The following IMMP2L variants were observed in gnomAD, a reference collection of about 807,000 sequenced individuals.
IMMP2L encodes mitochondrial inner membrane protease subunit 2.
Under a neutral mutation model 19.3 loss-of-function variants are expected in IMMP2L, and 18 were observed. That is an observed-to-expected ratio of 0.93 (90% CI 0.64 to 1.38). The LOEUF (loss-of-function observed/expected upper bound fraction) is 1.38, where lower values mean the gene tolerates loss of function less well. IMMP2L is among the 40% of genes most tolerant of loss of function. IMMP2L has a pLI of 0.00. For synonymous variants in IMMP2L, 76 were observed against 73.0 expected (o/e 1.04, Z -0.21); for missense variants, 233 against 218.2 (o/e 1.07, Z -0.43).
rs185110088 is a variant in IMMP2L, at chr7:111,003,249, C to T, written c.240-39684G>A. Among the ~76,000 whole-genome samples the T allele has an allele frequency of 4.1e-3, 626 of 152,024 alleles. 2 individuals carry two copies. Among genetic ancestry groups the T allele is most frequent in the African/African-American group, 0.015 (606 of 41,456 alleles). The stretch of plus-strand genomic sequence containing the variant: ...ACTGTTAAGTGGAGATAATATTTAC[C>T]GATATTCTCTCAATTTTAGAGATTT... On this transcript the variant is annotated intron_variant, in intron 3 of 5. Transcript: ENST00000405709.
chr7:111,124,529 C>T (rs1284706825), intron 3 of IMMP2L: 5 of 1,613,560 alleles, frequency 3.1e-6, no homozygotes, highest in Admixed American at 1.7e-5. Flanking sequence ...CTGAATCCAT[C>T]AACTGAGTAT....
chr7:111,303,057 A>C (rs1489329815), intron 3 of IMMP2L, among the ~76,000 whole-genome samples: 1 of 152,154 alleles, frequency 6.6e-6, no homozygotes, highest in East Asian at 1.9e-4. Context: ...GGCCTCATAC[A>C]AATATCATTT....
chr7:111,339,461 T>C (rs1826793820), intron 3 of IMMP2L, among the ~76,000 whole-genome samples: 1 of 151,898 alleles, frequency 6.6e-6, no homozygotes, highest in South Asian at 2.1e-4. Flanking sequence ...CATAAATATA[T>C]AGAACATACA....
intron 4 of IMMP2L, among the ~76,000 whole-genome samples, chr7:110,949,354 C>CT (rs770895433): frequency 1.3e-5 from 2 of 152,160 alleles, no homozygotes; most frequent in Non-Finnish European, 2.9e-5. Flanking sequence ...AATATTTTCT[C>CT]TTTTGTTGCT....
chr7:110,895,588 T>C (rs542878269), intron 4 of IMMP2L, among the ~76,000 whole-genome samples: 1 of 152,256 alleles, frequency 6.6e-6, no homozygotes, highest in South Asian at 2.1e-4. Context: ...TTGATTGGGA[T>C]TGCACTGAAT....
intron 4 of IMMP2L, among the ~76,000 whole-genome samples, chr7:110,934,710 G>C (rs1462123866): frequency 6.6e-6 from 1 of 152,154 alleles, no homozygotes; most frequent in Non-Finnish European, 1.5e-5. Flanking sequence ...ATTTAGGATA[G>C]TTAGCTCTTC....
intron 3 of IMMP2L, among the ~76,000 whole-genome samples, chr7:111,094,244 T>TA (rs1797171519): frequency 6.6e-6 from 1 of 152,136 alleles, no homozygotes. Flanking sequence ...AGTTTCGTTT[T>TA]AAAAAAACAC....
chr7:110,809,268 A>G (rs1293523000), intron 5 of IMMP2L, among the ~76,000 whole-genome samples: 1 of 152,034 alleles, frequency 6.6e-6, no homozygotes, highest in Non-Finnish European at 1.5e-5. Context: ...TATTAATACT[A>G]AAAACAAATC....
intron 3 of IMMP2L, among the ~76,000 whole-genome samples, chr7:111,194,067 A>G (rs2129613692): frequency 6.6e-6 from 1 of 152,280 alleles, no homozygotes; most frequent in South Asian, 2.1e-4. Flanking sequence ...CAGTGATACC[A>G]TGGCCTGGTC....
At chr7:111,319,104 T>C (rs540497108) in intron 3 of IMMP2L, among the ~76,000 whole-genome samples, 1 of 152,198 alleles carries the variant, frequency 6.6e-6, no homozygotes, top group South Asian at 2.1e-4. Flanking sequence ...ACCAAATATG[T>C]CTGTAGGAGG....
At chr7:111,492,159 C>T (rs1218262047) in intron 2 of IMMP2L, among the ~76,000 whole-genome samples, 1 of 151,888 alleles carries the variant, frequency 6.6e-6, no homozygotes, top group Non-Finnish European at 1.5e-5. Flanking sequence ...AAATTATTTC[C>T]TATGCCTATA....
chr7:110,995,825 TTCTA>T (rs1393259222), intron 3 of IMMP2L, among the ~76,000 whole-genome samples: 4 of 152,134 alleles, frequency 2.6e-5, no homozygotes, highest in Non-Finnish European at 5.9e-5. Flanking sequence ...TGTGTATAGT[TTCTA>T]TCTATCTGTA....
chr7:111,401,220 A>G (rs1044322286), intron 3 of IMMP2L, among the ~76,000 whole-genome samples: 61 of 152,180 alleles, frequency 4.0e-4, no homozygotes, highest in African/African-American at 1.4e-3. Context: ...ATAAAATACA[A>G]TTCCAATTTG....
chr7:111,384,538 A>G (rs1280645657), intron 3 of IMMP2L, among the ~76,000 whole-genome samples: 1 of 152,084 alleles, frequency 6.6e-6, no homozygotes, highest in Admixed American at 6.6e-5. Flanking sequence ...GCTGCACTCT[A>G]TCAGCACTGC....
At chr7:111,016,813 AT>A (rs1825680497) in intron 3 of IMMP2L, among the ~76,000 whole-genome samples, 1 of 50,300 alleles carries the variant, frequency 2.0e-5, no homozygotes, top group Non-Finnish European at 3.9e-5. Flanking sequence ...TATATACTAT[AT>A]ATTATATATA....
At chr7:111,411,271 G>A in intron 3 of IMMP2L, 1 of 201,974 alleles carries the variant, frequency 5.0e-6, no homozygotes, top group South Asian at 7.3e-5. Context: ...AAATCATACA[G>A]CCAGATCAAA....
intron 3 of IMMP2L, among the ~76,000 whole-genome samples, chr7:111,250,505 T>C (rs1036398033): frequency 1.3e-5 from 2 of 151,898 alleles, no homozygotes; most frequent in Admixed American, 6.6e-5. Flanking sequence ...CTTCAAACTA[T>C]ACAAGGCTAC....
At chr7:111,172,796 T>C (rs1806596674) in intron 3 of IMMP2L, among the ~76,000 whole-genome samples, 1 of 151,580 alleles carries the variant, frequency 6.6e-6, no homozygotes. Context: ...TGTTGCAAGC[T>C]CATGTGGAGT....
chr7:110,934,953 T>G (rs1377797980), intron 4 of IMMP2L, among the ~76,000 whole-genome samples: 2 of 152,210 alleles, frequency 1.3e-5, no homozygotes, highest in Admixed American at 6.5e-5. Context: ...TTTATCCAAT[T>G]TGCCAGTCTG....
Sources: allele counts gnomAD v4.1 joint callset (sites outside exome capture counted in the v4.1 genomes callset), GRCh38; gene constraint gnomAD v4.1.1; transcripts MANE v1.5; gene names NCBI Gene and HGNC (gene_info 2026-07-23, HGNC 2026-07-21).